Variants in C2orf81 observed in about 807,000 individuals in gnomAD.
C2orf81 encodes the protein uncharacterized protein C2orf81.
In C2orf81, 5 loss-of-function variants were observed where a neutral mutation model predicts 7.9. That is an observed-to-expected ratio of 0.63 (90% CI 0.33 to 1.33). C2orf81 has a LOEUF of 1.33. Among genes scored for constraint, C2orf81 ranks in the 40% most tolerant of loss-of-function variants. The pLI is 0.05. For synonymous variants in C2orf81, 346 were observed against 367.4 expected (o/e 0.94, Z 0.66); for missense variants, 781 against 830.4 (o/e 0.94, Z 0.73).
rs972828164 is a variant in C2orf81 at position 74,415,246 on chromosome 2, C to G, written c.931G>C (p.Asp311His). The change falls in exon 3 of 3, where the codon GAC becomes CAC. Residue 311 changes from aspartate (D) to histidine (H), a missense_variant. By Grantham distance (81) the Asp-to-His change is moderately conservative. Transcript: ENST00000684111. This position sits in a 1 kb window ranked among gnomAD's most constrained non-coding sequence, Gnocchi z 5.5. ...EDLYCCMPQLDAAGDRLELRS... is the reference protein window; with the variant it reads ...EDLYCCMPQLHAAGDRLELRS... ...AGTTCCAGCCGATCCCCAGCCGCGTCCAGTTGAGGCATGCAACAGTAGAGG... is the reference window on the plus strand; with the variant it reads ...AGTTCCAGCCGATCCCCAGCCGCGTGCAGTTGAGGCATGCAACAGTAGAGG... The G allele has an allele frequency of 3.9e-6, 6 of 1,551,262 alleles. No homozygotes were observed. The African/African-American group carries it at 8.2e-5, about 21-fold the overall frequency.
chr2:74,414,799 C>A lies in C2orf81; in HGVS notation c.1378G>T (p.Gly460Cys). ...PALLFPTLNL[G>C]LSSPSLESKL... ...GACTCGAGGGATGGCGACGATAGGC[C>A]TAAATTTAAAGTGGGGAACAGGAGT... The change falls in exon 3 of 3, where the codon GGC becomes TGC. Residue 460 changes from glycine to cysteine, a missense_variant. Physicochemically the swap from Gly to Cys is radical, Grantham distance 159. Transcript: ENST00000684111. This position sits in a 1 kb window ranked among gnomAD's most constrained non-coding sequence, Gnocchi z 5.3. 6.4e-7 allele frequency: 1 copy of A among 1,551,558 alleles called. No homozygotes were observed. The highest frequency in any genetic ancestry group is 8.7e-7 in the Non-Finnish European group (1 of 1,146,894).
intron 1 of C2orf81, chr2:74,416,586 A>AG (rs1442770229): frequency 9.5e-5 from 15 of 158,608 alleles, no homozygotes; most frequent in African/African-American, 3.2e-4. Flanking sequence ...AAAAAAAAAA[A>AG]AAAGAAAAAG....
In C2orf81 at chr2:74,415,507, G is replaced by C. The variant is rs1016493171; in HGVS notation, c.670C>G (p.Pro224Ala). ...PSPQLRVTSA[P>A]PPTSELFQEA... ...TGAAACAGCTCTGATGTGGGAGGAGGGGCCGACGTGACTCTCAGCTGCGGA... is the reference window on the plus strand; with the variant it reads ...TGAAACAGCTCTGATGTGGGAGGAGCGGCCGACGTGACTCTCAGCTGCGGA... The change falls in exon 3 of 3, where the codon CCT (proline) becomes GCT (alanine). Residue 224 changes from proline to alanine, a missense_variant. Pro to Ala is a conservative substitution (Grantham distance 27). Coordinates refer to ENST00000684111, the MANE Select transcript of C2orf81 (RefSeq NM_001316764.3). The surrounding 1 kb of genome is among the most constrained non-coding windows in gnomAD (Gnocchi z 5.5). 5 of 1,544,484 alleles carry C rather than the reference G, an allele frequency of 3.2e-6. No homozygotes were observed. The African/African-American group carries it at 6.9e-5, about 21-fold the overall frequency.
In C2orf81 at chr2:74,414,911, G is replaced by A; in HGVS notation, c.1266C>T (p.Ala422=). The change falls in exon 3 of 3, where the codon GCC becomes GCT. Residue 422 remains alanine (A), a synonymous_variant. Transcript: ENST00000684111. The surrounding 1 kb of genome is among the most constrained non-coding windows in gnomAD (Gnocchi z 5.3). ...EKTKARAEPQ[A]LGPGTRVSPA... ...GGGAGACACGGGTGCCGGGGCCGAGGGCTTGGGGTTCGGCCCGGGCCTTGG... is the reference window on the plus strand; with the variant it reads ...GGGAGACACGGGTGCCGGGGCCGAGAGCTTGGGGTTCGGCCCGGGCCTTGG... 1 of 1,545,214 alleles carries A rather than the reference G, an allele frequency of 6.5e-7. No individual in the cohort carries two copies. Among genetic ancestry groups the A allele is most frequent in the Non-Finnish European group, 8.7e-7 (1 of 1,143,134 alleles).
chr2:74,416,199 T>C lies in C2orf81; in HGVS notation c.61A>G (p.Lys21Glu). The C allele has an allele frequency of 7.0e-7, 1 of 1,432,620 alleles. No individual in the cohort carries two copies. The highest frequency in any genetic ancestry group is 9.3e-7 in the Non-Finnish European group (1 of 1,073,932). 88.7% of individuals were successfully genotyped at this position (1,432,620 alleles called of 1,614,324 possible). ...GTGGGCGGCCGCACTTTTTCCGCCT[T>C]GGACCGGGTCACCCCGCGGTCTCGG... ...QVRDRGVTRS[K>E]AEKVRPPTVP... The change falls in exon 2 of 3, where the codon AAG becomes GAG. Residue 21 changes from lysine (K) to glutamate (E), a missense_variant. Transcript: ENST00000684111.
intron 1 of C2orf81, chr2:74,417,983 T>C (rs1351330930): frequency 2.2e-6 from 1 of 457,084 alleles, no homozygotes; most frequent in Non-Finnish European, 4.2e-6. Context: ...TGGTGTGTTG[T>C]GTAGTGTGGT....
intron 1 of C2orf81, among the ~76,000 whole-genome samples, chr2:74,418,834 T>C (rs987237103): frequency 6.6e-6 from 1 of 151,632 alleles, no homozygotes; most frequent in African/African-American, 2.4e-5. Context: ...CAAAGACATT[T>C]GCAACAAATA....
chr2:74,414,885 G>A lies in C2orf81; in HGVS notation c.1292C>T (p.Pro431Leu), dbSNP rs1304434889. The A allele has an allele frequency of 6.5e-6, 10 of 1,546,534 alleles. No homozygotes were observed. The highest frequency in any genetic ancestry group is 1.2e-5 in the South Asian group (1 of 83,720). ...TGGCCGGAGAGGGAAGAACGCTGCC[G>A]GGGAGACACGGGTGCCGGGGCCGAG... The part of the protein sequence containing the change: ...QALGPGTRVS[P>L]AAFFPLRPGI... Residue 431 changes from proline (P) to leucine (L), a missense_variant, in exon 3 of 3, where the codon CCG becomes CTG. By Grantham distance (98) the Pro-to-Leu change is moderately conservative. Coordinates refer to ENST00000684111, the MANE Select transcript of C2orf81 (RefSeq NM_001316764.3). This position sits in a 1 kb window ranked among gnomAD's most constrained non-coding sequence, Gnocchi z 5.3.
chr2:74,415,650 G>A lies in C2orf81; in HGVS notation c.527C>T (p.Pro176Leu), dbSNP rs1349213018. The A allele has an allele frequency of 3.9e-6, 6 of 1,551,094 alleles. No individual in the cohort carries two copies. In the East Asian group the frequency reaches 1.2e-4, roughly 32 times the overall value. Residue 176 changes from proline to leucine, a missense_variant, in exon 3 of 3, where the codon CCG (proline) becomes CTG (leucine). By Grantham distance (98) the Pro-to-Leu change is moderately conservative. Coordinates refer to ENST00000684111, the MANE Select transcript of C2orf81 (RefSeq NM_001316764.3). The surrounding 1 kb of genome is among the most constrained non-coding windows in gnomAD (Gnocchi z 5.5). ...AAATGCACTCGGGCAGTGAGATGTC[G>A]GAAAGGGGAGAGCAGGAGCAATGGC... The part of the protein sequence containing the change: ...SSAIAPALPF[P>L]TSHCPSAFPQ...
intron 1 of C2orf81, chr2:74,417,820 C>T (rs1015913491): frequency 9.6e-6 from 5 of 520,332 alleles, no homozygotes; most frequent in South Asian, 3.1e-5. Flanking sequence ...GGATCAGGGA[C>T]GCAGCAGGTG....
In C2orf81 at chr2:74,420,754, G is replaced by C. The variant is rs552853415; in HGVS notation, c.18+789C>G. The stretch of plus-strand genomic sequence containing the variant: ...TTTTGCACAAAGGCTCTTCAAATCC[G>C]TTTTCTTTCTTCTTCTTCTTTTTTT... On this transcript the variant is annotated intron_variant, in intron 1 of 2. Transcript: ENST00000684111. 4.5e-4 allele frequency among the ~76,000 whole-genome samples: 60 copies of C among 132,118 alleles called. 1 individual carries two copies. The South Asian group carries it at 7.5e-3, about 17-fold the overall frequency. 86.7% of individuals were successfully genotyped at this position (132,118 alleles called of 152,430 possible).
At position 74,421,449 on chromosome 2, in the gene C2orf81, G is replaced by A. The variant is rs573212094; in HGVS notation, c.18+94C>T. Reference sequence around the variant, plus strand: ...GCGCGGTGGGCGGGAGCAAGTAGGGGCACTGGGCGGCCCAGAGCCAGCCCA... The same window carrying A: ...GCGCGGTGGGCGGGAGCAAGTAGGGACACTGGGCGGCCCAGAGCCAGCCCA... On this transcript the variant is annotated intron_variant, in intron 1 of 2. Coordinates refer to ENST00000684111, the MANE Select transcript of C2orf81 (RefSeq NM_001316764.3). The A allele has an allele frequency of 3.7e-5, 11 of 294,500 alleles. No homozygotes were observed. The East Asian group carries it at 5.0e-4, about 13-fold the overall frequency. The allele number at this position is 294,500 out of a possible 1,614,324, so 18.2% of individuals were successfully genotyped here.
At chr2:74,418,064 G>C (rs1410496148) in intron 1 of C2orf81, 1 of 552,976 alleles carries the variant, frequency 1.8e-6, no homozygotes, top group Non-Finnish European at 3.4e-6. Flanking sequence ...GGGAAGGGGT[G>C]GGGGGTGGGA....
At chr2:74,417,426 A>G (rs1676496598) in intron 1 of C2orf81, 1 of 1,310,280 alleles carries the variant, frequency 7.6e-7, no homozygotes, top group Non-Finnish European at 1.0e-6. Context: ...ATATGTACTC[A>G]GATCCCAGGC....
rs1245981758 is a variant in C2orf81, at chr2:74,414,281, A to G, written c.*48T>C. 7 of 1,431,146 alleles carry G rather than the reference A, an allele frequency of 4.9e-6. No individual in the cohort carries two copies. The highest frequency in any genetic ancestry group is 6.5e-6 in the Non-Finnish European group (7 of 1,085,206). The allele number at this position is 1,431,146 out of a possible 1,614,324, so 88.7% of individuals were successfully genotyped here. The stretch of plus-strand genomic sequence containing the variant: ...CAGAGGGAGGCAGCAGGCTTAGAGG[A>G]GCGTGACCACACTTTGGGGGCTGAG... On this transcript the variant is annotated 3_prime_UTR_variant, in exon 3 of 3. Coordinates refer to ENST00000684111, the MANE Select transcript of C2orf81 (RefSeq NM_001316764.3). The surrounding 1 kb of genome is among the most constrained non-coding windows in gnomAD (Gnocchi z 5.3).
chr2:74,415,626 A>T lies in C2orf81; in HGVS notation c.551T>A (p.Phe184Tyr), dbSNP rs1468496851. 6 of 1,551,000 alleles carry T rather than the reference A, an allele frequency of 3.9e-6. No homozygotes were observed. Among genetic ancestry groups the T allele is most frequent in the Non-Finnish European group, 5.2e-6 (6 of 1,146,998 alleles). Residue 184 changes from phenylalanine to tyrosine, a missense_variant, in exon 3 of 3, where the codon TTT becomes TAT. Physicochemically the swap from Phe to Tyr is conservative, Grantham distance 22 (BLOSUM62 3). Transcript: ENST00000684111. This position sits in a 1 kb window ranked among gnomAD's most constrained non-coding sequence, Gnocchi z 5.5. The stretch of plus-strand genomic sequence containing the variant: ...GTCCACGCCCCCAGGGTCCTGGGGA[A>T]ATGCACTCGGGCAGTGAGATGTCGG... ...PFPTSHCPSA[F>Y]PQDPGGVDRI...
At chr2:74,421,059 G>A (rs1676599884) in intron 1 of C2orf81, among the ~76,000 whole-genome samples, 1 of 152,092 alleles carries the variant, frequency 6.6e-6, no homozygotes, top group South Asian at 2.1e-4. Context: ...TGGGATTACA[G>A]GCATGAGCCA....
intron 1 of C2orf81, among the ~76,000 whole-genome samples, chr2:74,421,085 TTTTC>T (rs1487357371): frequency 2.6e-5 from 4 of 152,064 alleles, no homozygotes; most frequent in Admixed American, 1.3e-4. Context: ...ACCGGCCCCG[TTTTC>T]TTTATTTTAA....
In C2orf81 at chr2:74,416,187, C is replaced by G; in HGVS notation, c.73G>C (p.Val25Leu). ...RGVTRSKAEKVRPPTVPVPQV... is the reference protein window; with the variant it reads ...RGVTRSKAEKLRPPTVPVPQV... ...GGCACTGGCACAGTGGGCGGCCGCACTTTTTCCGCCTTGGACCGGGTCACC... is the reference window on the plus strand; with the variant it reads ...GGCACTGGCACAGTGGGCGGCCGCAGTTTTTCCGCCTTGGACCGGGTCACC... The change falls in exon 2 of 3, where the codon GTG (valine) becomes CTG (leucine). Residue 25 changes from valine (V) to leucine (L), a missense_variant. Transcript: ENST00000684111. 6.9e-7 allele frequency: 1 copy of G among 1,451,686 alleles called. No homozygotes were observed. Among genetic ancestry groups the G allele is most frequent in the Non-Finnish European group, 9.2e-7 (1 of 1,085,402 alleles). The allele number at this position is 1,451,686 out of a possible 1,614,324, so 89.9% of individuals were successfully genotyped here.
Sources: gnomAD v4.1 joint callset for allele counts (sites outside exome capture counted in the v4.1 genomes callset) on GRCh38, gnomAD v4.1.1 for gene constraint, Gnocchi (gnomAD v3.1) non-coding constraint, MANE v1.5 for transcripts, NCBI Gene and HGNC (gene_info 2026-07-23, HGNC 2026-07-21) for gene names.